The following EML6 variants were observed in gnomAD, a reference collection of about 807,000 sequenced individuals.
EML6 encodes echinoderm microtubule-associated protein-like 6.
EML6 carries 154 observed loss-of-function variants against 240.1 expected under a neutral mutation model. The observed-to-expected ratio is 0.64, with a 90% CI of 0.56 to 0.73. The LOEUF (loss-of-function observed/expected upper bound fraction) is 0.73. Among genes scored for constraint, EML6 ranks in the 30% least tolerant of loss-of-function variants. The pLI is 0.00. For missense variants in EML6, 2,964 were observed against 2,474.6 expected (o/e 1.20, Z -4.20); for synonymous variants, 1,148 against 899.0 (o/e 1.28, Z -4.95).
At chr2:54,891,272 G>A in intron 18 of EML6, 118 bp downstream of exon 18, 2 of 530,776 alleles carry the variant, frequency 3.8e-6, no homozygotes, top group Middle Eastern at 2.9e-4. Context: ...ATAAAAATGT[G>A]CCTAAAAAAA....
rs567238888 is a variant in EML6, at chr2:54,724,844, G to A, written c.-218G>A. The A allele has an allele frequency of 1.5e-4, 29 of 195,920 alleles. No individual in the cohort carries two copies. In the Admixed American group the frequency reaches 1.6e-3, roughly 11 times the overall value. 12.1% of individuals were successfully genotyped at this position (195,920 alleles called of 1,614,324 possible). A position where few individuals can be genotyped will look rare whatever the true frequency, so the allele number is the denominator to read the frequency against. ...CCGGGTAGAGGGAGCCCGGCGCCCGGCGGGGTCTGGCGGCCGCACACCGGC... is the reference window on the plus strand; with the variant it reads ...CCGGGTAGAGGGAGCCCGGCGCCCGACGGGGTCTGGCGGCCGCACACCGGC... On this transcript the variant is annotated 5_prime_UTR_variant, in exon 2 of 42. Transcript: ENST00000356458. The surrounding 1 kb of genome is among the most constrained non-coding windows in gnomAD (Gnocchi z 5.2).
Position 54,899,731 on chromosome 2 carries a change from T to C in EML6, c.3073T>C (p.Trp1025Arg). 1 of 1,551,998 alleles carries C rather than the reference T, an allele frequency of 6.4e-7. No homozygotes were observed. The highest frequency in any genetic ancestry group is 8.7e-7 in the Non-Finnish European group (1 of 1,147,106). The change falls in exon 22 of 42, where the codon TGG (tryptophan) becomes CGG (arginine). Residue 1025 changes from tryptophan (W) to arginine (R), a missense_variant. Physicochemically the swap from Trp to Arg is moderately radical, Grantham distance 101. Transcript: ENST00000356458. ...GAGCGATGATAAAACACTTCGCATCTGGGAACTATCTGCCCAGCACCGTAT... is the reference window on the plus strand; with the variant it reads ...GAGCGATGATAAAACACTTCGCATCCGGGAACTATCTGCCCAGCACCGTAT... ...TVSDDKTLRI[W>R]ELSAQHRMLA...
chr2:54,878,140 A>G (rs1162515222), intron 16 of EML6, among the ~76,000 whole-genome samples: 1 of 152,240 alleles, frequency 6.6e-6, no homozygotes, highest in East Asian at 1.9e-4. Flanking sequence ...ACATACTTGT[A>G]CTAAGAAATT....
At position 54,896,838 on chromosome 2, in the gene EML6, G is replaced by A. The variant is rs542138792; in HGVS notation, c.2982+1438G>A. On this transcript the variant is annotated intron_variant, in intron 21 of 41. Coordinates refer to ENST00000356458, the MANE Select transcript of EML6 (RefSeq NM_001039753.4). ...ACACTGCAAGGCTTTAAAAACACAG[G>A]TGCCCAAATCCCACCCTGGATATCC... 9.2e-5 allele frequency among the ~76,000 whole-genome samples: 14 copies of A among 152,230 alleles called. No homozygotes were observed. The South Asian group carries it at 2.9e-3, about 32-fold the overall frequency.
chr2:54,923,620 T>A (rs1674383120), intron 26 of EML6, among the ~76,000 whole-genome samples: 1 of 152,180 alleles, frequency 6.6e-6, no homozygotes, highest in South Asian at 2.1e-4. Context: ...AGTTCAAGAT[T>A]TGCTTATGGT....
intron 28 of EML6, among the ~76,000 whole-genome samples, chr2:54,933,197 C>G (rs1183008299): frequency 6.6e-6 from 1 of 152,154 alleles, no homozygotes; most frequent in South Asian, 2.1e-4. Context: ...TTTTGAGGTG[C>G]TATTGGCTCT....
At chr2:54,802,189 A>C (rs1423912236) in intron 2 of EML6, among the ~76,000 whole-genome samples, 1 of 152,204 alleles carries the variant, frequency 6.6e-6, no homozygotes, top group Non-Finnish European at 1.5e-5. Context: ...TGATGGCAGA[A>C]TTTTAAAACA....
chr2:54,887,918 AT>A (rs1217228882), intron 17 of EML6, among the ~76,000 whole-genome samples: 12 of 152,206 alleles, frequency 7.9e-5, no homozygotes, highest in African/African-American at 2.9e-4. Flanking sequence ...TTGACATATC[AT>A]TATCACCCGA....
chr2:54,950,779 G>A lies in EML6; in HGVS notation c.4213G>A (p.Gly1405Arg), dbSNP rs1321369690. ...TGGCATCGTTCAGAACCTCTCCACA[G>A]GTAACCGGGGGTTAAAAAATACAGG... ...AAGIVQNLSTGSQSFYLEHTD... is the reference protein window; with the variant it reads ...AAGIVQNLSTRSQSFYLEHTD... Residue 1405 changes from glycine to arginine, a missense_variant and splice_region_variant, in exon 30 of 42, where the codon GGG becomes AGG. Coordinates refer to ENST00000356458, the MANE Select transcript of EML6 (RefSeq NM_001039753.4). 1.3e-6 allele frequency: 2 copies of A among 1,546,866 alleles called. No individual in the cohort carries two copies. Among genetic ancestry groups the A allele is most frequent in the Non-Finnish European group, 1.7e-6 (2 of 1,145,480 alleles).
chr2:54,897,210 CTTTGT>C (rs1227897132), intron 21 of EML6, among the ~76,000 whole-genome samples: 1 of 152,090 alleles, frequency 6.6e-6, no homozygotes, highest in Non-Finnish European at 1.5e-5. Flanking sequence ...AAGATCTAAA[CTTTGT>C]TTTCTCTCTT....
At chr2:54,817,536 A>G (rs1282254748) in intron 4 of EML6, among the ~76,000 whole-genome samples, 1 of 152,226 alleles carries the variant, frequency 6.6e-6, no homozygotes, top group Admixed American at 6.5e-5. Flanking sequence ...TTTCTGCACA[A>G]TATAAGTGTT....
chr2:54,832,110 A>T (rs1354218217), intron 7 of EML6, among the ~76,000 whole-genome samples: 2 of 152,182 alleles, frequency 1.3e-5, no homozygotes, highest in African/African-American at 4.8e-5. Context: ...ATCAAAAGAG[A>T]TGCCTTCATT....
chr2:54,838,836 G>A (rs1669290203), intron 7 of EML6, among the ~76,000 whole-genome samples: 2 of 152,222 alleles, frequency 1.3e-5, no homozygotes, highest in Non-Finnish European at 2.9e-5. Flanking sequence ...CCTCATCTGT[G>A]TGGTGAAACG....
intron 28 of EML6, among the ~76,000 whole-genome samples, chr2:54,935,493 T>C (rs1675088804): frequency 6.6e-6 from 1 of 152,208 alleles, no homozygotes; most frequent in African/African-American, 2.4e-5. Flanking sequence ...AAATCAGAGA[T>C]GGCCAGCAAA....
At chr2:54,754,520 A>G (rs927177231) in intron 2 of EML6, among the ~76,000 whole-genome samples, 1 of 152,158 alleles carries the variant, frequency 6.6e-6, no homozygotes, top group African/African-American at 2.4e-5. Context: ...GACCATTTGA[A>G]ATAACTGGGT....
At chr2:54,844,307 T>G in intron 8 of EML6, 59 bp downstream of exon 8, 1 of 1,374,272 alleles carries the variant, frequency 7.3e-7, no homozygotes, top group Non-Finnish European at 1.0e-6. Context: ...TTTGCCCAAA[T>G]TTGCTTATTA....
Position 54,725,096 on chromosome 2 carries a change from G to A in EML6, c.35G>A (p.Arg12Gln). Residue 12 changes from arginine to glutamine, a missense_variant, in exon 2 of 42, where the codon CGG becomes CAG. Transcript: ENST00000356458. This position sits in a 1 kb window ranked among gnomAD's most constrained non-coding sequence, Gnocchi z 4.3. ...ADRTAPRCQL[R>Q]LEWVYGYRGH... The stretch of plus-strand genomic sequence containing the variant: ...CGGACGGCGCCCCGCTGCCAGCTCC[G>A]GCTGGAGTGGGTGTACGGGTACCGG... The A allele has an allele frequency of 6.5e-7, 1 of 1,531,816 alleles. No individual in the cohort carries two copies. The highest frequency in any genetic ancestry group is 8.8e-7 in the Non-Finnish European group (1 of 1,138,630). 94.9% of individuals were successfully genotyped at this position (1,531,816 alleles called of 1,614,324 possible).
chr2:54,885,451 A>G (rs1165274990), intron 17 of EML6, among the ~76,000 whole-genome samples: 1 of 152,004 alleles, frequency 6.6e-6, no homozygotes, highest in Non-Finnish European at 1.5e-5. Flanking sequence ...CTGTCTCAAA[A>G]AAAAAAAAAT....
chr2:54,968,864 T>C, intron 41 of EML6, 96 bp downstream of exon 41: 1 of 660,920 alleles, frequency 1.5e-6, no homozygotes, highest in Non-Finnish European at 2.7e-6. Context: ...CCCAGGGGCA[T>C]GAGGAGGGCT....
Sources: allele counts gnomAD v4.1 joint callset (sites outside exome capture counted in the v4.1 genomes callset), GRCh38; gene constraint gnomAD v4.1.1; non-coding constraint Gnocchi (gnomAD v3.1); transcripts MANE v1.5; gene names NCBI Gene and HGNC (gene_info 2026-07-23, HGNC 2026-07-21).